ATAD3A: variants seen among roughly 807,000 people sequenced by gnomAD.
The protein encoded by ATAD3A is ATPase family AAA domain containing 3A.
ATAD3A carries 46 observed loss-of-function variants against 73.8 expected under a neutral mutation model. The ratio of observed to expected loss-of-function variants is 0.62; its 90% CI spans 0.49 to 0.80. The LOEUF (loss-of-function observed/expected upper bound fraction) is 0.80, where lower values mean the gene tolerates loss of function less well. Among genes scored for constraint, ATAD3A ranks in the 30% least tolerant of loss-of-function variants. ATAD3A has a pLI of 0.00. For synonymous variants in ATAD3A, 319 were observed against 350.0 expected, an observed-to-expected ratio of 0.91 and a Z score of 0.99; for missense variants, 705 against 838.0, an observed-to-expected ratio of 0.84 and a Z score of 1.96.
At chr1:1,529,156 TC>T in intron 14 of ATAD3A, 66 bp from the exon 15 acceptor site, 1 of 1,584,546 alleles carries the variant, frequency 6.3e-7, no homozygotes, top group East Asian at 2.3e-5. Context: ...CTGCCTGTCT[TC>T]CGGCCTCCAC....
At position 1,520,122 on chromosome 1, in the gene ATAD3A, C is replaced by T. The variant is rs747344449; in HGVS notation, c.515-19C>T. ...CGCTGCACTGCATGGTGCTGAGCTGCCCTGCCTCTCTGGGGCAGCCACCGT... is the reference window on the plus strand; with the variant it reads ...CGCTGCACTGCATGGTGCTGAGCTGTCCTGCCTCTCTGGGGCAGCCACCGT... On this transcript the variant is annotated intron_variant, in intron 5 of 15. Coordinates refer to ENST00000378756, the MANE Select transcript of ATAD3A (RefSeq NM_001170535.3). The surrounding 1 kb of genome is among the most constrained non-coding windows in gnomAD (Gnocchi z 4.0). 2 of 1,605,830 alleles carry T rather than the reference C, an allele frequency of 1.2e-6. No homozygotes were observed. Among genetic ancestry groups the T allele is most frequent in the South Asian group, 2.2e-5 (2 of 90,160 alleles).
intron 15 of ATAD3A, among the ~76,000 whole-genome samples, chr1:1,532,757 A>G (rs1238161933): frequency 6.6e-6 from 1 of 152,144 alleles, no homozygotes; most frequent in Non-Finnish European, 1.5e-5. Flanking sequence ...CTCAAGACCA[A>G]AAATGATGTT....
intron 15 of ATAD3A, among the ~76,000 whole-genome samples, chr1:1,533,051 A>G (rs1370499399): frequency 6.6e-6 from 1 of 152,158 alleles, no homozygotes; most frequent in African/African-American, 2.4e-5. Context: ...GGTCATCCCC[A>G]TGGCAGGTTC....
At chr1:1,532,832 A>G (rs562855471) in intron 15 of ATAD3A, among the ~76,000 whole-genome samples, 310 of 146,394 alleles carry the variant, frequency 2.1e-3, no homozygotes, top group Non-Finnish European at 3.5e-3. Context: ...CTGCGCTCCC[A>G]GGCCCCTGAC....
rs1346983585 is a variant in ATAD3A, at chr1:1,520,832, C to T, written c.750+215C>T. 6.6e-6 allele frequency among the ~76,000 whole-genome samples: 1 copy of T among 152,132 alleles called. No individual in the cohort carries two copies. The highest frequency in any genetic ancestry group is 6.5e-5 in the Admixed American group (1 of 15,272). On this transcript the variant is annotated intron_variant, in intron 7 of 15. Transcript: ENST00000378756. The surrounding 1 kb of genome is among the most constrained non-coding windows in gnomAD (Gnocchi z 4.0). ...TGCCAGCCTGGGCCACACAGTGAGA[C>T]CCCATCTCTACAAAAAATCAAATAT...
At chr1:1,515,905 G>A in intron 1 of ATAD3A, 107 bp from the exon 2 acceptor site, 3 of 1,299,700 alleles carry the variant, frequency 2.3e-6, no homozygotes, top group Non-Finnish European at 3.2e-6. Flanking sequence ...GGGCTTTGAG[G>A]TCGAGGCGTG....
chr1:1,525,425 T>C (rs945645904), intron 12 of ATAD3A, 134 bp downstream of exon 12: 1 of 1,272,676 alleles, frequency 7.9e-7, no homozygotes. Flanking sequence ...TTTTTTTTTT[T>C]TTTTTTTGAG....
Position 1,527,179 on chromosome 1 carries a change from C to T in ATAD3A, c.1338-516C>T, listed in dbSNP as rs528384843. 971 of 1,301,852 alleles carry T rather than the reference C, an allele frequency of 7.5e-4. 6 individuals carry two copies. The Middle Eastern group carries it at 0.012, about 16-fold the overall frequency. 80.6% of individuals were successfully genotyped at this position (1,301,852 alleles called of 1,614,324 possible). On this transcript the variant is annotated intron_variant, in intron 13 of 15. Coordinates refer to ENST00000378756, the MANE Select transcript of ATAD3A (RefSeq NM_001170535.3). ...CCTCCAGCCCCAGTCACGTGTCACA[C>T]GGAGGATCAAGTCCTGCTGGTCGGC...
chr1:1,522,722 C>T, intron 7 of ATAD3A, 22 bp from the exon 8 acceptor site: 1 of 1,611,268 alleles, frequency 6.2e-7, no homozygotes. Flanking sequence ...GCCGGTGCGC[C>T]AGTGCGGTGT....
intron 12 of ATAD3A, among the ~76,000 whole-genome samples, 163 bp from the exon 13 acceptor site, chr1:1,526,298 C>T (rs1157176893): frequency 3.9e-5 from 6 of 152,074 alleles, no homozygotes; most frequent in African/African-American, 7.2e-5. Context: ...AGGTTACATT[C>T]GTGAGCCACC....
intron 13 of ATAD3A, chr1:1,527,380 G>T: frequency 9.2e-7 from 1 of 1,087,090 alleles, no homozygotes. Flanking sequence ...TTCTCGACAT[G>T]GACTCCGGGT....
chr1:1,520,745 C>A lies in ATAD3A; in HGVS notation c.750+128C>A. 1 of 1,433,190 alleles carries A rather than the reference C, an allele frequency of 7.0e-7. No homozygotes were observed. Among genetic ancestry groups the A allele is most frequent in the Non-Finnish European group, 9.5e-7 (1 of 1,047,466 alleles). The allele number at this position is 1,433,190 out of a possible 1,614,324, so 88.8% of individuals were successfully genotyped here. ...TAGCTCTCCCAGCAGGGAGGAAGCC[C>A]ACGTTGTACCTGCTGGCCTCGGCTT... On this transcript the variant is annotated intron_variant, in intron 7 of 15. Coordinates refer to ENST00000378756, the MANE Select transcript of ATAD3A (RefSeq NM_001170535.3). The surrounding 1 kb of genome is among the most constrained non-coding windows in gnomAD (Gnocchi z 4.0).
At chr1:1,518,097 C>T (rs1393820840) in intron 4 of ATAD3A, among the ~76,000 whole-genome samples, 4 of 147,900 alleles carry the variant, frequency 2.7e-5, no homozygotes, top group Non-Finnish European at 4.5e-5. Flanking sequence ...ACACACGGGC[C>T]CACACACAGA....
intron 7 of ATAD3A, among the ~76,000 whole-genome samples, chr1:1,521,239 C>T (rs770252333): frequency 8.5e-5 from 11 of 129,060 alleles, no homozygotes; most frequent in Non-Finnish European, 1.7e-4. Context: ...GCGGAGCTTG[C>T]AGTGAGTCGA....
rs1641549864 is a variant in ATAD3A, at chr1:1,520,464, G to T, written c.681-84G>T. 3.7e-6 allele frequency: 6 copies of T among 1,611,234 alleles called. No homozygotes were observed. In the Admixed American group the frequency reaches 1.0e-4, roughly 27 times the overall value. On this transcript the variant is annotated intron_variant, in intron 6 of 15. Coordinates refer to ENST00000378756, the MANE Select transcript of ATAD3A (RefSeq NM_001170535.3). The surrounding 1 kb of genome is among the most constrained non-coding windows in gnomAD (Gnocchi z 4.0). ...TGTCCTGGCAAGGCCGTGCCGCCAT[G>T]TCAGGGCCTCACCCTCAACCTGCTC... is the stretch of plus-strand genomic sequence containing the variant.
At chr1:1,530,828 C>CAAA (rs1174830616) in intron 15 of ATAD3A, among the ~76,000 whole-genome samples, 12 of 13,398 alleles carry the variant, frequency 9.0e-4, no homozygotes, top group African/African-American at 4.8e-3. Flanking sequence ...GACTCCGTCT[C>CAAA]AAAAAAAAAA....
chr1:1,532,511 T>C (rs1642064283), intron 15 of ATAD3A, among the ~76,000 whole-genome samples: 1 of 152,170 alleles, frequency 6.6e-6, no homozygotes, highest in Non-Finnish European at 1.5e-5. Context: ...GTGGTGAACA[T>C]CATGTGTCAC....
At chr1:1,515,750 T>C (rs1011325069) in intron 1 of ATAD3A, among the ~76,000 whole-genome samples, 1 of 152,194 alleles carries the variant, frequency 6.6e-6, no homozygotes, top group African/African-American at 2.4e-5. Context: ...CCTCCTCCCG[T>C]CCACGTGGGA....
chr1:1,531,060 A>G (rs1158835079), intron 15 of ATAD3A, among the ~76,000 whole-genome samples: 1 of 152,116 alleles, frequency 6.6e-6, no homozygotes, highest in Non-Finnish European at 1.5e-5. Flanking sequence ...CAGGAGGCTG[A>G]GCCAGGAGAA....
Sources: allele counts gnomAD v4.1 joint callset (sites outside exome capture counted in the v4.1 genomes callset), GRCh38; gene constraint gnomAD v4.1.1; non-coding constraint Gnocchi (gnomAD v3.1); transcripts MANE v1.5; gene names NCBI Gene and HGNC (gene_info 2026-07-23, HGNC 2026-07-21).